Variants in FAM199X observed in about 807,000 individuals in gnomAD.
FAM199X encodes protein FAM199X.
Under a neutral mutation model 22.9 loss-of-function variants are expected in FAM199X, and 4 were observed. The observed-to-expected ratio is 0.17, with a 90% CI of 0.09 to 0.40. FAM199X has a LOEUF of 0.40. Ranked by LOEUF, FAM199X falls within the 10% of genes least tolerant of loss-of-function variation. The pLI is 1.00. For synonymous variants in FAM199X, 101 were observed against 112.3 expected, an observed-to-expected ratio of 0.90 and a Z score of 0.64; for missense variants, 183 against 306.8, an observed-to-expected ratio of 0.60 and a Z score of 3.01.
chrX:104,162,338 G>A (rs193254256), upstream of FAM199X, among the ~76,000 whole-genome samples: 37 of 111,846 alleles, frequency 3.3e-4, no homozygotes, highest in Admixed American at 3.3e-3. Context: ...TAGCATTTGC[G>A]GATTCATCTT....
chrX:104,158,278 A>C, the FAM199X span, among the ~76,000 whole-genome samples: 1 of 111,389 alleles, frequency 9.0e-6, no homozygotes. Context: ...ACTAAGGCAA[A>C]GATCTCTCCC....
chrX:104,166,936 T>C lies in FAM199X; in HGVS notation c.151T>C (p.Ser51Pro). The change falls in exon 1 of 6, where the codon TCC becomes CCC. Residue 51 changes from serine (S) to proline (P), a missense_variant. Around this residue, in one of 2 missense-constraint regions of FAM199X, gnomAD observed 55 missense variants for 60.6 expected, o/e 0.91. Coordinates refer to ENST00000493442, the MANE Select transcript of FAM199X (RefSeq NM_207318.4). Reference sequence around the variant, plus strand: ...CATCAGCGACTTCGGCTGCCAGCTGTCCTCCTGCCATCGCACCGACCCGCT... The same window carrying C: ...CATCAGCGACTTCGGCTGCCAGCTGCCCTCCTGCCATCGCACCGACCCGCT... ...LDISDFGCQL[S>P]SCHRTDPLHR... The C allele has an allele frequency of 8.4e-7, 1 of 1,191,293 alleles. No individual in the cohort carries two copies. Among genetic ancestry groups the C allele is most frequent in the Non-Finnish European group, 1.1e-6 (1 of 884,726 alleles).
rs184507959 is a variant in FAM199X at position 104,168,138 on chromosome X, G to A, written c.197+1156G>A. Among the ~76,000 whole-genome samples, 383 of 112,357 alleles carry A rather than the reference G, an allele frequency of 3.4e-3. 1 individual carries two copies. Among genetic ancestry groups the A allele is most frequent in the African/African-American group, 0.011 (352 of 30,956 alleles). On this transcript the variant is annotated intron_variant, in intron 1 of 5. Coordinates refer to ENST00000493442, the MANE Select transcript of FAM199X (RefSeq NM_207318.4). ...AAAGATGTTTCTTACATAAATGAAA[G>A]TTATAGTCTATGGAAACAAGGTGTT...
chrX:104,174,549 A>G (rs1365704854), intron 1 of FAM199X, among the ~76,000 whole-genome samples: 1 of 111,405 alleles, frequency 9.0e-6, no homozygotes, highest in African/African-American at 3.3e-5. Flanking sequence ...ATAATTATAA[A>G]CAATGCTCAT....
chrX:104,170,749 A>G (rs1556375210), intron 1 of FAM199X, among the ~76,000 whole-genome samples: 1 of 111,421 alleles, frequency 9.0e-6, no homozygotes, highest in Non-Finnish European at 1.9e-5. Flanking sequence ...TAGAAATGAC[A>G]TAGAGTGTTT....
At chrX:104,167,587 T>C (rs1921246381) in intron 1 of FAM199X, among the ~76,000 whole-genome samples, 1 of 110,525 alleles carries the variant, frequency 9.0e-6, no homozygotes, top group Non-Finnish European at 1.9e-5. Flanking sequence ...ATTAACTGTT[T>C]GCCTTAGCGC....
chrX:104,169,426 A>C (rs1393963334), intron 1 of FAM199X, among the ~76,000 whole-genome samples: 1 of 112,366 alleles, frequency 8.9e-6, no homozygotes, highest in Admixed American at 9.4e-5. Context: ...GATTTTAAAA[A>C]TAATGCACTT....
chrX:104,193,067 G>A lies in FAM199X; in HGVS notation c.*3289G>A, dbSNP rs1921978991. On this transcript the variant is annotated 3_prime_UTR_variant, in exon 6 of 6. Transcript: ENST00000493442. Reference sequence around the variant, plus strand: ...TTTTGTTTGTGGCTTACTCTGTATAGCCTCATGTGCCTTAAAGGTGGTGAA... The same window carrying A: ...TTTTGTTTGTGGCTTACTCTGTATAACCTCATGTGCCTTAAAGGTGGTGAA... 9.0e-6 allele frequency: 1 copy of A among 111,428 alleles called. No individual in the cohort carries two copies. The highest frequency in any genetic ancestry group is 9.6e-5 in the Admixed American group (1 of 10,421). The allele number at this position is 111,428 out of a possible 1,213,427, so 9.2% of individuals were successfully genotyped here.
upstream of FAM199X, among the ~76,000 whole-genome samples, chrX:104,164,714 T>C (rs1029000845): frequency 1.3e-4 from 14 of 110,306 alleles, no homozygotes; most frequent in African/African-American, 4.6e-4. Context: ...AACCCGTCTC[T>C]ACTAAAAATA....
intron 1 of FAM199X, among the ~76,000 whole-genome samples, chrX:104,172,062 C>T (rs1556375471): frequency 9.0e-6 from 1 of 110,582 alleles, no homozygotes; most frequent in Non-Finnish European, 1.9e-5. Context: ...TTGTTTTTAT[C>T]TATATTGCCT....
chrX:104,162,883 A>G (rs1921072811), upstream of FAM199X, among the ~76,000 whole-genome samples: 1 of 111,816 alleles, frequency 8.9e-6, no homozygotes, highest in Admixed American at 9.5e-5. Flanking sequence ...GGATTGTTGT[A>G]AAATGATGCT....
rs1922018564 is a variant in FAM199X at position 104,194,780 on chromosome X, G to A, written c.*5002G>A. The A allele has an allele frequency of 9.0e-6, 1 of 111,696 alleles. No individual in the cohort carries two copies. Among genetic ancestry groups the A allele is most frequent in the Non-Finnish European group, 1.9e-5 (1 of 53,017 alleles). 9.2% of individuals were successfully genotyped at this position (111,696 alleles called of 1,213,427 possible). A position where few individuals can be genotyped will look rare whatever the true frequency, so the allele number is the denominator to read the frequency against. On this transcript the variant is annotated 3_prime_UTR_variant, in exon 6 of 6. Coordinates refer to ENST00000493442, the MANE Select transcript of FAM199X (RefSeq NM_207318.4). The stretch of plus-strand genomic sequence containing the variant: ...TTTTGCTTTTTAGTTTCAAAGATTA[G>A]TTATGTAGCAGCAATATCATAACCA...
chrX:104,177,982 T>C (rs781785149), intron 2 of FAM199X, among the ~76,000 whole-genome samples: 7 of 111,628 alleles, frequency 6.3e-5, no homozygotes, highest in Admixed American at 3.8e-4. Flanking sequence ...GCTGTACTTA[T>C]GATGTCATAT....
intron 1 of FAM199X, among the ~76,000 whole-genome samples, chrX:104,172,419 C>CAA (rs1252810147): frequency 1.1e-5 from 1 of 87,511 alleles, no homozygotes. Context: ...GACCCTGACT[C>CAA]AAAAAAAAAA....
chrX:104,183,460 GTTTTGTTTTC>G (rs1556378337), intron 2 of FAM199X, among the ~76,000 whole-genome samples: 2 of 109,619 alleles, frequency 1.8e-5, no homozygotes, highest in African/African-American at 6.6e-5. Context: ...GAGATTTTAT[GTTTTGTTTTC>G]TTTTGTTTTT....
chrX:104,178,018 A>G (rs1556376879), intron 2 of FAM199X, among the ~76,000 whole-genome samples: 3 of 112,022 alleles, frequency 2.7e-5, no homozygotes, highest in Non-Finnish European at 3.8e-5. Context: ...GTAATCCAAG[A>G]TGAGGAAGAT....
intron 1 of FAM199X, among the ~76,000 whole-genome samples, chrX:104,170,283 C>G (rs941778165): frequency 8.9e-6 from 1 of 112,007 alleles, no homozygotes; most frequent in Non-Finnish European, 1.9e-5. Context: ...GTTTTCCTAT[C>G]TAGATACAGA....
At position 104,190,441 on chromosome X, in the gene FAM199X, T is replaced by C. The variant is rs1447327487; in HGVS notation, c.*663T>C. The C allele has an allele frequency of 8.9e-6, 1 of 111,881 alleles. No individual in the cohort carries two copies. Among genetic ancestry groups the C allele is most frequent in the African/African-American group, 3.2e-5 (1 of 30,806 alleles). The allele number at this position is 111,881 out of a possible 1,213,427, so 9.2% of individuals were successfully genotyped here. On this transcript the variant is annotated 3_prime_UTR_variant, in exon 6 of 6. Transcript: ENST00000493442. ...GTATTAGAACAGGCCCTTATCTTTT[T>C]CCTATTAGATTTATTTTTGTTTTTT...
intron 2 of FAM199X, among the ~76,000 whole-genome samples, chrX:104,184,203 G>A (rs1556378522): frequency 8.9e-6 from 1 of 112,187 alleles, no homozygotes; most frequent in East Asian, 2.8e-4. Flanking sequence ...TGAATCCCCT[G>A]TACCTATTAT....
Sources: allele counts gnomAD v4.1 joint callset (sites outside exome capture counted in the v4.1 genomes callset), GRCh38; gene constraint gnomAD v4.1.1; regional missense constraint gnomAD v4.1.1; transcripts MANE v1.5; gene names NCBI Gene and HGNC (gene_info 2026-07-23, HGNC 2026-07-21).